Variants in LRFN3 observed in about 807,000 individuals in gnomAD.
LRFN3 encodes leucine rich repeat and fibronectin type III domain containing 3, also known as leucine-rich repeat and fibronectin type-III domain-containing protein 3.
Under a neutral mutation model 23.8 loss-of-function variants are expected in LRFN3, and 8 were observed. The ratio of observed to expected loss-of-function variants is 0.34; its 90% CI spans 0.20 to 0.61. The LOEUF (loss-of-function observed/expected upper bound fraction) is 0.61. LRFN3 is among the 20% of genes least tolerant of loss of function. The pLI is 0.80. For missense variants in LRFN3, 736 were observed against 935.3 expected, an observed-to-expected ratio of 0.79 and a Z score of 2.78; for synonymous variants, 451 against 450.6, an observed-to-expected ratio of 1.00 and a Z score of -0.01.
chr19:35,939,375 C>G lies in LRFN3; in HGVS notation c.-16-35C>G. The G allele has an allele frequency of 2.0e-6, 3 of 1,529,626 alleles. No individual in the cohort carries two copies. The highest frequency in any genetic ancestry group is 2.6e-6 in the Non-Finnish European group (3 of 1,140,244). 94.8% of individuals were successfully genotyped at this position (1,529,626 alleles called of 1,614,324 possible). On this transcript the variant is annotated intron_variant, in intron 1 of 2. Transcript: ENST00000246529. The surrounding 1 kb of genome is among the most constrained non-coding windows in gnomAD (Gnocchi z 6.4). ...ACCACCCCCAGCCCCTGCAGAACCC[C>G]TCTTCTGCCCTCACGCCTCCCCTCT...
At position 35,945,978 on chromosome 19, in the gene LRFN3, G is replaced by A. The variant is rs960679296; in HGVS notation, c.*959G>A. ...TTGGACCAGCTGGGCTAGGGAACAA[G>A]AAAAGGGAGTGGGTTGACAGAGACA... is the stretch of plus-strand genomic sequence containing the variant. On this transcript the variant is annotated 3_prime_UTR_variant, in exon 3 of 3. Transcript: ENST00000246529. 1.2e-4 allele frequency among the ~76,000 whole-genome samples: 18 copies of A among 152,066 alleles called. No homozygotes were observed. The highest frequency in any genetic ancestry group is 3.4e-4 in the African/African-American group (14 of 41,398).
rs2145303830 is a variant in LRFN3 at position 35,944,861 on chromosome 19, GCGC to G, written c.1731_1733del (p.Pro578del). The G allele has an allele frequency of 6.2e-7, 1 of 1,600,748 alleles. No individual in the cohort carries two copies. Among genetic ancestry groups the G allele is most frequent in the East Asian group, 2.2e-5 (1 of 44,774 alleles). ...GCCCCCCGGCAAGGCCAAGATTCCC[GCGC>G]CTGTTAGCAGCGTTTGCTCCCAGAC... is the stretch of plus-strand genomic sequence containing the variant. On this transcript the variant is annotated inframe_deletion, in exon 3 of 3. Coordinates refer to ENST00000246529, the MANE Select transcript of LRFN3 (RefSeq NM_024509.2). This position sits in a 1 kb window ranked among gnomAD's most constrained non-coding sequence, Gnocchi z 4.5.
At position 35,937,011 on chromosome 19, in the gene LRFN3, G is replaced by A. The variant is rs1976065106; in HGVS notation, c.-561G>A. On this transcript the variant is annotated 5_prime_UTR_variant, in exon 1 of 3. Coordinates refer to ENST00000246529, the MANE Select transcript of LRFN3 (RefSeq NM_024509.2). ...GCTGAACTCTGAATTCTGGGCCTGGGACCTTGAAATCTGGGACTGGATTTC... is the reference window on the plus strand; with the variant it reads ...GCTGAACTCTGAATTCTGGGCCTGGAACCTTGAAATCTGGGACTGGATTTC... 1 of 152,216 alleles carries A rather than the reference G, an allele frequency of 6.6e-6. No homozygotes were observed. The highest frequency in any genetic ancestry group is 1.5e-5 in the Non-Finnish European group (1 of 68,094). 9.4% of individuals were successfully genotyped at this position (152,216 alleles called of 1,614,324 possible).
In LRFN3 at chr19:35,939,503, C is replaced by A. The variant is rs763750148; in HGVS notation, c.78C>A (p.Ser26Arg). The change falls in exon 2 of 3, where the codon AGC becomes AGA. Residue 26 changes from serine (S) to arginine (R), a missense_variant. By Grantham distance (110) the Ser-to-Arg change is moderately radical. Coordinates refer to ENST00000246529, the MANE Select transcript of LRFN3 (RefSeq NM_024509.2). This position sits in a 1 kb window ranked among gnomAD's most constrained non-coding sequence, Gnocchi z 6.4. ...ASSPPQSATP[S>R]PCPRRCRCQT... ...CCCCACCCCAGTCAGCCACACCCAG[C>A]CCATGTCCCCGCCGCTGCCGCTGCC... The A allele has an allele frequency of 6.2e-7, 1 of 1,606,264 alleles. No individual in the cohort carries two copies. The highest frequency in any genetic ancestry group is 1.7e-5 in the Admixed American group (1 of 59,956).
At position 35,939,516 on chromosome 19, in the gene LRFN3, C is replaced by T. The variant is rs1244137239; in HGVS notation, c.91C>T (p.Arg31Cys). Residue 31 changes from arginine to cysteine, a missense_variant, in exon 2 of 3, where the codon CGC (arginine) becomes TGC (cysteine). Coordinates refer to ENST00000246529, the MANE Select transcript of LRFN3 (RefSeq NM_024509.2). The surrounding 1 kb of genome is among the most constrained non-coding windows in gnomAD (Gnocchi z 6.4). ...QSATPSPCPR[R>C]CRCQTQSLPL... ...AGCCACACCCAGCCCATGTCCCCGC[C>T]GCTGCCGCTGCCAGACACAGTCGCT... The T allele has an allele frequency of 2.5e-6, 4 of 1,607,300 alleles. No individual in the cohort carries two copies. The highest frequency in any genetic ancestry group is 2.2e-5 in the South Asian group (2 of 91,028).
intron 1 of LRFN3, among the ~76,000 whole-genome samples, chr19:35,938,643 G>GCC (rs972690865): frequency 6.6e-6 from 1 of 152,122 alleles, no homozygotes; most frequent in Non-Finnish European, 1.5e-5. Context: ...CACTGACTCT[G>GCC]CCATGTCTGT....
Position 35,944,600 on chromosome 19 carries a change from C to A in LRFN3, c.1468C>A (p.Arg490=). 1 of 1,501,784 alleles carries A rather than the reference C, an allele frequency of 6.7e-7. No individual in the cohort carries two copies. The highest frequency in any genetic ancestry group is 1.4e-5 in the African/African-American group (1 of 70,478). 93.0% of individuals were successfully genotyped at this position (1,501,784 alleles called of 1,614,324 possible). ...SFLLTDLASG[R]TYDLCVLAVY... ...CCTGCTGACGGACCTGGCGTCAGGC[C>A]GGACCTACGATCTGTGCGTGCTCGC... Residue 490 remains arginine, a synonymous_variant, in exon 3 of 3, where the codon CGG becomes AGG. Coordinates refer to ENST00000246529, the MANE Select transcript of LRFN3 (RefSeq NM_024509.2). This position sits in a 1 kb window ranked among gnomAD's most constrained non-coding sequence, Gnocchi z 4.5.
At position 35,940,524 on chromosome 19, in the gene LRFN3, A is replaced by C. The variant is rs1216586224; in HGVS notation, c.1099A>C (p.Ile367Leu). The C allele has an allele frequency of 6.2e-7, 1 of 1,612,540 alleles. No individual in the cohort carries two copies. The highest frequency in any genetic ancestry group is 1.1e-5 in the South Asian group (1 of 91,062). ...EPGDGGIFTC[I>L]AANAAGEATA... is the part of the protein sequence containing the mutation. Reference sequence around the variant, plus strand: ...GGGTGATGGTGGCATCTTCACCTGCATTGCGGCCAATGCAGCTGGCGAGGC... The same window carrying C: ...GGGTGATGGTGGCATCTTCACCTGCCTTGCGGCCAATGCAGCTGGCGAGGC... Residue 367 changes from isoleucine (I) to leucine (L), a missense_variant, in exon 2 of 3, where the codon ATT (isoleucine) becomes CTT (leucine). Transcript: ENST00000246529.
At position 35,944,878 on chromosome 19, in the gene LRFN3, T is replaced by C; in HGVS notation, c.1746T>C (p.Val582=). Residue 582 remains valine (V), a synonymous_variant, in exon 3 of 3, where the codon GTT becomes GTC. Transcript: ENST00000246529. The surrounding 1 kb of genome is among the most constrained non-coding windows in gnomAD (Gnocchi z 4.5). ...KAKIPAPVSS[V]CSQTNGALGP... Reference sequence around the variant, plus strand: ...AGATTCCCGCGCCTGTTAGCAGCGTTTGCTCCCAGACCAACGGCGCCCTGG... The same window carrying C: ...AGATTCCCGCGCCTGTTAGCAGCGTCTGCTCCCAGACCAACGGCGCCCTGG... The C allele has an allele frequency of 1.3e-6, 2 of 1,597,488 alleles. No homozygotes were observed. Among genetic ancestry groups the C allele is most frequent in the Non-Finnish European group, 1.7e-6 (2 of 1,178,546 alleles).
rs1976099401 is a variant in LRFN3 at position 35,940,058 on chromosome 19, G to C, written c.633G>C (p.Met211Ile). 1.2e-6 allele frequency: 2 copies of C among 1,612,388 alleles called. No individual in the cohort carries two copies. The highest frequency in any genetic ancestry group is 1.6e-4 in the Middle Eastern group (1 of 6,062). ...TGCACAAGCTGGCCCGGCTGGACAT[G>C]ACCTCCAACCGCCTGACCACAATCC... is the stretch of plus-strand genomic sequence containing the variant. ...SRLHKLARLD[M>I]TSNRLTTIPP... The change falls in exon 2 of 3, where the codon ATG becomes ATC. Residue 211 changes from methionine to isoleucine, a missense_variant. Physicochemically the swap from Met to Ile is conservative, Grantham distance 10. This residue lies in a region of LRFN3 where 446 missense variants were observed against 647.9 expected (regional missense o/e 0.69). Coordinates refer to ENST00000246529, the MANE Select transcript of LRFN3 (RefSeq NM_024509.2).
rs369511702 is a variant in LRFN3 at position 35,940,160 on chromosome 19, C to T, written c.735C>T (p.Ala245=). ...RGSPASALVL[A]FGGNPLHCNC... ...CGCCCGCCTCTGCCCTGGTGCTGGC[C>T]TTTGGCGGGAACCCCCTGCACTGCA... Residue 245 remains alanine, a synonymous_variant, in exon 2 of 3, where the codon GCC becomes GCT. Coordinates refer to ENST00000246529, the MANE Select transcript of LRFN3 (RefSeq NM_024509.2). 2.1e-5 allele frequency: 34 copies of T among 1,610,902 alleles called. No homozygotes were observed. The highest frequency in any genetic ancestry group is 2.5e-5 in the Non-Finnish European group (30 of 1,179,594).
At position 35,936,426 on chromosome 19, in the gene LRFN3, G is replaced by A. The variant is rs1976055591; in HGVS notation, c.-1146G>A. On this transcript the variant is annotated 5_prime_UTR_variant, in exon 1 of 3. Coordinates refer to ENST00000246529, the MANE Select transcript of LRFN3 (RefSeq NM_024509.2). Reference sequence around the variant, plus strand: ...TTGCCGGCGAGGAGGCCGCGGGAGCGCCTGGACCCGGCCCGCCCAGCCCGG... The same window carrying A: ...TTGCCGGCGAGGAGGCCGCGGGAGCACCTGGACCCGGCCCGCCCAGCCCGG... Among the ~76,000 whole-genome samples the A allele has an allele frequency of 1.3e-5, 2 of 151,146 alleles. No homozygotes were observed. The highest frequency in any genetic ancestry group is 4.1e-4 in the South Asian group (2 of 4,822).
Position 35,945,209 on chromosome 19 carries a change from G to C in LRFN3, c.*190G>C, listed in dbSNP as rs777113022. 4.3e-6 allele frequency: 2 copies of C among 461,854 alleles called. No homozygotes were observed. Among genetic ancestry groups the C allele is most frequent in the South Asian group, 3.9e-5 (1 of 25,378 alleles). 28.6% of individuals were successfully genotyped at this position (461,854 alleles called of 1,614,324 possible). A position where few individuals can be genotyped will look rare whatever the true frequency, so the allele number is the denominator to read the frequency against. ...AGCTTGGGCGAAGACCCTTGCCCTC[G>C]TCTCTGTCTATGGGGGTTGGGGGAC... On this transcript the variant is annotated 3_prime_UTR_variant, in exon 3 of 3. Coordinates refer to ENST00000246529, the MANE Select transcript of LRFN3 (RefSeq NM_024509.2).
At chr19:35,942,900 G>A (rs1322950543) in intron 2 of LRFN3, among the ~76,000 whole-genome samples, 10 of 152,046 alleles carry the variant, frequency 6.6e-5, no homozygotes, top group African/African-American at 1.4e-4. Flanking sequence ...GTGGTGGCAC[G>A]CGCCTGTAGT....
In LRFN3 at chr19:35,944,849, GC is replaced by G; in HGVS notation, c.1719del (p.Lys574ArgfsTer93). The G allele has an allele frequency of 6.2e-7, 1 of 1,603,942 alleles. No homozygotes were observed. Among genetic ancestry groups the G allele is most frequent in the Non-Finnish European group, 8.5e-7 (1 of 1,179,074 alleles). On this transcript the variant is annotated frameshift_variant, in exon 3 of 3. Transcript: ENST00000246529. LOFTEE classifies it high-confidence loss of function. The surrounding 1 kb of genome is among the most constrained non-coding windows in gnomAD (Gnocchi z 4.5). The stretch of plus-strand genomic sequence containing the variant: ...GCACGGCGGCCAGCCCCCCGGCAAG[GC>G]CAAGATTCCCGCGCCTGTTAGCAGC... Reference protein sequence around the residue: ...KVHGGQPPGKAKIPAPVSSVC... With the variant: ...KVHGGQPPGKXKIPAPVSSVC...
chr19:35,942,813 A>G (rs907652061), intron 2 of LRFN3, among the ~76,000 whole-genome samples: 1 of 152,164 alleles, frequency 6.6e-6, no homozygotes, highest in African/African-American at 2.4e-5. Context: ...GTGGATCACC[A>G]GGTCAGGAGT....
rs969220180 is a variant in LRFN3 at position 35,940,631 on chromosome 19, C to A, written c.1206C>A (p.Asp402Glu). Residue 402 changes from aspartate (D) to glutamate (E), a missense_variant, in exon 2 of 3, where the codon GAC becomes GAA. Asp to Glu is a conservative substitution (Grantham distance 45). Transcript: ENST00000246529. ...GCACCAGCTGTGACCCCCCGCGGGA[C>A]GGGGATCCTGATGCTCTCACCCCAC... ...ANSTSCDPPR[D>E]GDPDALTPPS... The A allele has an allele frequency of 2.5e-6, 4 of 1,610,102 alleles. 1 individual carries two copies. Among genetic ancestry groups the A allele is most frequent in the South Asian group, 2.2e-5 (2 of 90,972 alleles).
rs1399475431 is a variant in LRFN3 at position 35,945,202 on chromosome 19, T to C, written c.*183T>C. 2.1e-6 allele frequency: 1 copy of C among 466,294 alleles called. No homozygotes were observed. Among genetic ancestry groups the C allele is most frequent in the Non-Finnish European group, 3.7e-6 (1 of 268,422 alleles). 28.9% of individuals were successfully genotyped at this position (466,294 alleles called of 1,614,324 possible). On this transcript the variant is annotated 3_prime_UTR_variant, in exon 3 of 3. Coordinates refer to ENST00000246529, the MANE Select transcript of LRFN3 (RefSeq NM_024509.2). ...TTTTCCAAGCTTGGGCGAAGACCCT[T>C]GCCCTCGTCTCTGTCTATGGGGGTT...
Position 35,945,164 on chromosome 19 carries a change from A to C in LRFN3, c.*145A>C. ...GGTGTCGGGGACACCGGGGCAAAAC[A>C]AGAAAGTCCTATTTTTCCAAGCTTG... On this transcript the variant is annotated 3_prime_UTR_variant, in exon 3 of 3. Coordinates refer to ENST00000246529, the MANE Select transcript of LRFN3 (RefSeq NM_024509.2). The C allele has an allele frequency of 2.0e-6, 1 of 500,606 alleles. No individual in the cohort carries two copies. Among genetic ancestry groups the C allele is most frequent in the Non-Finnish European group, 3.4e-6 (1 of 296,040 alleles). The allele number at this position is 500,606 out of a possible 1,614,324, so 31.0% of individuals were successfully genotyped here.
Sources: gnomAD v4.1 joint callset for allele counts (sites outside exome capture counted in the v4.1 genomes callset) on GRCh38, gnomAD v4.1.1 for gene constraint, gnomAD v4.1.1 regional missense constraint, Gnocchi (gnomAD v3.1) non-coding constraint, MANE v1.5 for transcripts, NCBI Gene and HGNC (gene_info 2026-07-23, HGNC 2026-07-21) for gene names.